The following CNTNAP5 variants were observed in gnomAD, a reference collection of about 807,000 sequenced individuals.
CNTNAP5 encodes contactin associated protein family member 5, also known as contactin-associated protein-like 5.
A neutral mutation model predicts 150.2 loss-of-function variants in CNTNAP5; 72 were observed. The ratio of observed to expected loss-of-function variants is 0.48; its 90% CI spans 0.40 to 0.58. CNTNAP5 has a LOEUF of 0.58. CNTNAP5 is among the 20% of genes least tolerant of loss of function. CNTNAP5 has a pLI of 0.00. For missense variants in CNTNAP5, 1,636 were observed against 1,626.2 expected, an observed-to-expected ratio of 1.01 and a Z score of -0.10; for synonymous variants, 672 against 619.8, an observed-to-expected ratio of 1.08 and a Z score of -1.25.
chr2:124,769,805 C>A (rs1301753024), intron 16 of CNTNAP5, among the ~76,000 whole-genome samples: 1 of 152,126 alleles, frequency 6.6e-6, no homozygotes, highest in South Asian at 2.1e-4. Flanking sequence ...CCAGACTCTG[C>A]CCCACCCACA....
At chr2:124,717,825 A>C (rs77921260) in intron 13 of CNTNAP5, among the ~76,000 whole-genome samples, 3,845 of 152,304 alleles carry the variant, frequency 0.025, 172 homozygotes, top group African/African-American at 0.089. Flanking sequence ...TTTCTCATTA[A>C]ATTCATATTT....
chr2:124,070,073 G>A (rs1573731845), intron 1 of CNTNAP5, among the ~76,000 whole-genome samples: 1 of 152,120 alleles, frequency 6.6e-6, no homozygotes, highest in Non-Finnish European at 1.5e-5. Context: ...GTTTTTATTA[G>A]TTTTCTTTTT....
At chr2:124,829,810 G>T (rs190831838) in intron 19 of CNTNAP5, among the ~76,000 whole-genome samples, 2 of 151,752 alleles carry the variant, frequency 1.3e-5, no homozygotes, top group Non-Finnish European at 2.9e-5. Flanking sequence ...ATTAAAATAT[G>T]ATGAAAGTTC....
chr2:124,835,408 A>T (rs990670902), intron 19 of CNTNAP5, among the ~76,000 whole-genome samples: 1 of 152,172 alleles, frequency 6.6e-6, no homozygotes, highest in South Asian at 2.1e-4. Flanking sequence ...AAAATCTTAG[A>T]TATCCATTTC....
At chr2:124,518,210 G>A (rs1225301467) in intron 8 of CNTNAP5, among the ~76,000 whole-genome samples, 2 of 152,134 alleles carry the variant, frequency 1.3e-5, no homozygotes, top group Non-Finnish European at 2.9e-5. Context: ...GTTTCATCAA[G>A]TGTGAGCTAT....
intron 1 of CNTNAP5, among the ~76,000 whole-genome samples, chr2:124,164,977 A>G (rs925923088): frequency 2.0e-4 from 30 of 152,170 alleles, no homozygotes; most frequent in African/African-American, 6.0e-4. Flanking sequence ...TGGAGCAGGT[A>G]GAACACAAGC....
rs111942951 is a variant in CNTNAP5 at position 124,198,217 on chromosome 2, G to T, written c.83-23488G>T. ...TTTTAAGTTTGTCTTCAGATATTTT[G>T]AATATTTTTCTACTGGGCCATCTGC... On this transcript the variant is annotated intron_variant, in intron 1 of 23. Transcript: ENST00000682447. Among the ~76,000 whole-genome samples the T allele has an allele frequency of 1.4e-3, 214 of 151,522 alleles. 1 individual carries two copies. Among genetic ancestry groups the T allele is most frequent in the African/African-American group, 4.9e-3 (201 of 41,342 alleles).
chr2:124,188,868 C>T (rs1366547997), intron 1 of CNTNAP5, among the ~76,000 whole-genome samples: 1 of 152,056 alleles, frequency 6.6e-6, no homozygotes, highest in Non-Finnish European at 1.5e-5. Flanking sequence ...ATGCTTCAGA[C>T]ATTCTGCCAT....
At chr2:124,387,976 A>G (rs1020713311) in intron 3 of CNTNAP5, among the ~76,000 whole-genome samples, 10 of 152,152 alleles carry the variant, frequency 6.6e-5, no homozygotes, top group Non-Finnish European at 7.3e-5. Flanking sequence ...TGGAGACAGG[A>G]AAACAGGGAA....
At chr2:124,422,262 G>C (rs1379760438) in intron 4 of CNTNAP5, among the ~76,000 whole-genome samples, 1 of 152,084 alleles carries the variant, frequency 6.6e-6, no homozygotes, top group East Asian at 1.9e-4. Context: ...GCTAAAGATT[G>C]GTAGAATTCT....
chr2:124,573,977 T>A (rs1696221271), intron 11 of CNTNAP5, among the ~76,000 whole-genome samples: 1 of 152,244 alleles, frequency 6.6e-6, no homozygotes, highest in South Asian at 2.1e-4. Context: ...TACATATATA[T>A]AAAGTTATTG....
chr2:124,025,470 A>T lies in CNTNAP5; in HGVS notation c.-181A>T. ...CGTAGCCCCAGCTGCAGCTCCGAAG[A>T]ATCCCCCGCCACGGTTTCGGTGGAG... is the stretch of plus-strand genomic sequence containing the variant. On this transcript the variant is annotated 5_prime_UTR_variant, in exon 1 of 24. Transcript: ENST00000682447. 1 of 613,604 alleles carries T rather than the reference A, an allele frequency of 1.6e-6. No individual in the cohort carries two copies. The highest frequency in any genetic ancestry group is 2.9e-6 in the Non-Finnish European group (1 of 341,612). The allele number at this position is 613,604 out of a possible 1,614,324, so 38.0% of individuals were successfully genotyped here.
intron 1 of CNTNAP5, among the ~76,000 whole-genome samples, chr2:124,185,364 C>T (rs968009834): frequency 8.5e-5 from 13 of 152,178 alleles, no homozygotes; most frequent in African/African-American, 3.1e-4. Context: ...TAGCATTTTC[C>T]AGGACACTTC....
chr2:124,558,195 C>A (rs541160043), intron 10 of CNTNAP5, among the ~76,000 whole-genome samples: 1 of 152,262 alleles, frequency 6.6e-6, no homozygotes, highest in South Asian at 2.1e-4. Flanking sequence ...GTGATGCTTG[C>A]ATCTCAGACT....
rs540386818 is a variant in CNTNAP5, at chr2:124,519,125, A to T, written c.1328-5178A>T. 5.9e-5 allele frequency among the ~76,000 whole-genome samples: 9 copies of T among 152,104 alleles called. No homozygotes were observed. In the East Asian group the frequency reaches 1.7e-3, roughly 30 times the overall value. ...ATGATTTTATTTATATAAAGTGCCC[A>T]GAATAGGCAAATCCATAGAGGCACA... On this transcript the variant is annotated intron_variant, in intron 8 of 23. Transcript: ENST00000682447.
At chr2:124,634,012 C>A (rs1677921010) in intron 12 of CNTNAP5, among the ~76,000 whole-genome samples, 3 of 152,186 alleles carry the variant, frequency 2.0e-5, no homozygotes, top group African/African-American at 7.2e-5. Context: ...TCCTCCCAGG[C>A]CTCCAGGCTT....
chr2:124,908,977 TAAA>T (rs978413966), intron 22 of CNTNAP5, among the ~76,000 whole-genome samples: 1 of 152,008 alleles, frequency 6.6e-6, no homozygotes, highest in Non-Finnish European at 1.5e-5. Flanking sequence ...GTAAAAAAGT[TAAA>T]AAAATAAAAA....
chr2:124,172,349 AC>A lies in CNTNAP5; in HGVS notation c.83-49355del, dbSNP rs1243736329. On this transcript the variant is annotated intron_variant, in intron 1 of 23. Transcript: ENST00000682447. ...TCCAAAAACTTAGAAAATATGAAAC[AC>A]TTGTAATTAAATCAGTGAGTAATAT... is the stretch of plus-strand genomic sequence containing the variant. 1.4e-4 allele frequency among the ~76,000 whole-genome samples: 21 copies of A among 152,284 alleles called. No individual in the cohort carries two copies. The South Asian group carries it at 2.9e-3, about 21-fold the overall frequency.
At chr2:124,484,937 A>C (rs17011561) in intron 7 of CNTNAP5, among the ~76,000 whole-genome samples, 15,838 of 152,162 alleles carry the variant, frequency 0.1, 1,287 homozygotes, top group African/African-American at 0.2. Context: ...ATAAATTCCT[A>C]ATAACCTTCT....
Sources: allele counts gnomAD v4.1 joint callset (sites outside exome capture counted in the v4.1 genomes callset), GRCh38; gene constraint gnomAD v4.1.1; transcripts MANE v1.5; gene names NCBI Gene and HGNC (gene_info 2026-07-23, HGNC 2026-07-21).